The following CYP7B1 variants were observed in gnomAD, a reference collection of about 807,000 sequenced individuals.
CYP7B1 encodes cytochrome P450 family 7 subfamily B member 1, also known as cytochrome P450 7B1.
In CYP7B1, 29 loss-of-function variants were observed where a neutral mutation model predicts 42.7. The ratio of observed to expected loss-of-function variants is 0.68; its 90% confidence interval spans 0.51 to 0.93. The LOEUF (loss-of-function observed/expected upper bound fraction) is 0.93. Ranked by LOEUF, CYP7B1 falls within the 40% of genes least tolerant of loss-of-function variation. The probability of loss-of-function intolerance (pLI) is 0.00; values close to 1 mark genes in which losing one functional copy is unlikely to be tolerated. For synonymous variants in CYP7B1, 235 were observed against 218.2 expected, an observed-to-expected ratio of 1.08 and a Z score of -0.68; for missense variants, 655 against 600.5, an observed-to-expected ratio of 1.09 and a Z score of -0.95.
chr8:64,685,913 G>A (rs1411437779), intron 1 of CYP7B1, among the ~76,000 whole-genome samples: 2 of 38,566 alleles, frequency 5.2e-5, no homozygotes, highest in African/African-American at 2.7e-4. Flanking sequence ...CGTGCCGTCC[G>A]GGAGGGAGGT....
intron 1 of CYP7B1, among the ~76,000 whole-genome samples, chr8:64,751,450 A>T (rs921801858): frequency 6.6e-6 from 1 of 152,116 alleles, no homozygotes; most frequent in African/African-American, 2.4e-5. Flanking sequence ...ATATAACATA[A>T]TCTATATTAA....
intron 4 of CYP7B1, among the ~76,000 whole-genome samples, chr8:64,613,402 G>A (rs1363688367): frequency 6.6e-6 from 1 of 152,112 alleles, no homozygotes; most frequent in African/African-American, 2.4e-5. Flanking sequence ...AAGAGTGGAT[G>A]AATTACAACT....
chr8:64,700,786 T>C (rs1226964727), intron 1 of CYP7B1, among the ~76,000 whole-genome samples: 1 of 152,128 alleles, frequency 6.6e-6, no homozygotes, highest in Non-Finnish European at 1.5e-5. Flanking sequence ...AGCTAATACA[T>C]AATCATACCA....
chr8:64,615,679 A>C lies in CYP7B1; in HGVS notation c.850+12T>G, dbSNP rs1805427563. The stretch of plus-strand genomic sequence containing the variant: ...TTTTATTTTAGGCAAGTGCTCATTC[A>C]GAAGTTCTTACCTCCTATTTCAAGG... On this transcript the variant is annotated intron_variant, in intron 3 of 5. Coordinates refer to ENST00000310193, the MANE Select transcript of CYP7B1 (RefSeq NM_004820.5). The C allele has an allele frequency of 6.2e-7, 1 of 1,611,218 alleles. No homozygotes were observed.
At position 64,691,476 on chromosome 8, in the gene CYP7B1, G is replaced by A. The variant is rs533759480; in HGVS notation, c.123-66937C>T. ...ACCAACATGAACGTATGGTTGCGAT[G>A]GCAACTGGGGGGGGGGGGTGGTGGT... On this transcript the variant is annotated intron_variant, in intron 1 of 5. Transcript: ENST00000310193. 7.3e-5 allele frequency among the ~76,000 whole-genome samples: 5 copies of A among 68,910 alleles called. No individual in the cohort carries two copies. The East Asian group carries it at 1.8e-3, about 25-fold the overall frequency. 45.2% of individuals were successfully genotyped at this position (68,910 alleles called of 152,430 possible).
At chr8:64,778,330 C>T (rs894876756) in intron 1 of CYP7B1, among the ~76,000 whole-genome samples, 1 of 151,604 alleles carries the variant, frequency 6.6e-6, no homozygotes, top group Non-Finnish European at 1.5e-5. Context: ...AATATAAGGA[C>T]AAAGTTTTGC....
intron 1 of CYP7B1, among the ~76,000 whole-genome samples, chr8:64,750,547 C>T (rs1807711795): frequency 1.3e-5 from 2 of 152,216 alleles, no homozygotes; most frequent in Non-Finnish European, 2.9e-5. Context: ...GATCCAAGCA[C>T]ATAAATATCC....
At chr8:64,598,655 T>C (rs777252805) in intron 5 of CYP7B1, among the ~76,000 whole-genome samples, 24 of 152,178 alleles carry the variant, frequency 1.6e-4, no homozygotes, top group Non-Finnish European at 2.1e-4. Flanking sequence ...AAAATGAATG[T>C]GCTAACCTCT....
chr8:64,640,987 C>T (rs773761936), intron 1 of CYP7B1, among the ~76,000 whole-genome samples: 3 of 152,276 alleles, frequency 2.0e-5, no homozygotes. Context: ...AAATAAAAGA[C>T]TCAGCTGGAA....
intron 1 of CYP7B1, among the ~76,000 whole-genome samples, chr8:64,791,455 G>A (rs1274663892): frequency 1.3e-5 from 2 of 152,152 alleles, no homozygotes; most frequent in African/African-American, 4.8e-5. Flanking sequence ...AATCACAAGA[G>A]TCCTTATAAG....
At chr8:64,710,408 T>C (rs564963563) in intron 1 of CYP7B1, among the ~76,000 whole-genome samples, 1 of 152,312 alleles carries the variant, frequency 6.6e-6, no homozygotes, top group South Asian at 2.1e-4. Context: ...GCCAACCTAC[T>C]CACTTTGCAA....
intron 1 of CYP7B1, among the ~76,000 whole-genome samples, chr8:64,624,786 T>G (rs1256703489): frequency 6.6e-6 from 1 of 151,604 alleles, no homozygotes; most frequent in African/African-American, 2.4e-5. Context: ...GATCAGGTGG[T>G]TTTTCGTTAC....
At chr8:64,617,279 G>A (rs1805463235) in intron 2 of CYP7B1, among the ~76,000 whole-genome samples, 2 of 152,090 alleles carry the variant, frequency 1.3e-5, no homozygotes, top group Admixed American at 6.6e-5. Flanking sequence ...TGTCCTTTTC[G>A]ATGAGGTCCT....
intron 1 of CYP7B1, among the ~76,000 whole-genome samples, chr8:64,703,578 CG>C (rs1172957148): frequency 5.9e-5 from 9 of 151,918 alleles, no homozygotes; most frequent in Non-Finnish European, 1.3e-4. Context: ...GGTAAACAAA[CG>C]AAAGAAGCAT....
At chr8:64,747,761 G>A (rs1807666481) in intron 1 of CYP7B1, among the ~76,000 whole-genome samples, 1 of 151,952 alleles carries the variant, frequency 6.6e-6, no homozygotes, top group African/African-American at 2.4e-5. Context: ...ATTTCATTGG[G>A]CTCTTGGCTG....
rs547751636 is a variant in CYP7B1 at position 64,595,555 on chromosome 8, G to C, written c.*1087C>G. On this transcript the variant is annotated 3_prime_UTR_variant, in exon 6 of 6. Transcript: ENST00000310193. ...TAGTCCAGGTTCCCAAGGGACCAAAGCGGGAGGATCACTTGAGGTCAGGAT... is the reference window on the plus strand; with the variant it reads ...TAGTCCAGGTTCCCAAGGGACCAAACCGGGAGGATCACTTGAGGTCAGGAT... Among the ~76,000 whole-genome samples, 4 of 152,240 alleles carry C rather than the reference G, an allele frequency of 2.6e-5. No individual in the cohort carries two copies. Among genetic ancestry groups the C allele is most frequent in the Admixed American group, 2.6e-4 (4 of 15,298 alleles).
At chr8:64,737,304 G>A (rs1807504677) in intron 1 of CYP7B1, among the ~76,000 whole-genome samples, 1 of 151,976 alleles carries the variant, frequency 6.6e-6, no homozygotes, top group South Asian at 2.1e-4. Context: ...AAGAAAAAAT[G>A]TACATAATTC....
At chr8:64,676,089 C>T (rs1806442086) in intron 1 of CYP7B1, among the ~76,000 whole-genome samples, 1 of 152,104 alleles carries the variant, frequency 6.6e-6, no homozygotes, top group African/African-American at 2.4e-5. Context: ...AGATTTCAAA[C>T]AAAACAAAGG....
Position 64,616,295 on chromosome 8 carries a change from AAGAG to A in CYP7B1, c.260-18_260-15del, listed in dbSNP as rs768562143. 5.7e-5 allele frequency: 84 copies of A among 1,477,732 alleles called. No homozygotes were observed. The highest frequency in any genetic ancestry group is 7.7e-5 in the Non-Finnish European group (83 of 1,074,794). 91.5% of individuals were successfully genotyped at this position (1,477,732 alleles called of 1,614,324 possible). A position where few individuals can be genotyped will look rare whatever the true frequency, so the allele number is the denominator to read the frequency against. On this transcript the variant is annotated splice_polypyrimidine_tract_variant and intron_variant, in intron 2 of 5. Coordinates refer to ENST00000310193, the MANE Select transcript of CYP7B1 (RefSeq NM_004820.5). The stretch of plus-strand genomic sequence containing the variant: ...TTATGTACTTTCCTAGAAAAAAAAA[AAGAG>A]AGAGAAAATATGAGTTCGTTTGTTA...
Sources: allele counts gnomAD v4.1 joint callset (sites outside exome capture counted in the v4.1 genomes callset), GRCh38; gene constraint gnomAD v4.1.1; transcripts MANE v1.5; gene names NCBI Gene and HGNC (gene_info 2026-07-23, HGNC 2026-07-21).